EDA: variants seen among roughly 807,000 people sequenced by gnomAD.
The protein encoded by EDA is ectodysplasin-A.
Under a neutral mutation model 23.6 loss-of-function variants are expected in EDA, and 2 were observed. The ratio of observed to expected loss-of-function variants is 0.08; its 90% CI spans 0.03 to 0.27. The LOEUF (loss-of-function observed/expected upper bound fraction) is 0.27, where lower values mean the gene tolerates loss of function less well. Ranked by LOEUF, EDA falls within the 10% of genes least tolerant of loss-of-function variation. The pLI is 1.00. For missense variants in EDA, 229 were observed against 324.2 expected (o/e 0.71, Z 2.26); for synonymous variants, 131 against 132.0 (o/e 0.99, Z 0.05).
chrX:69,624,166 T>C lies in EDA; in HGVS notation c.396+7462T>C, dbSNP rs1014212234. Among the ~76,000 whole-genome samples the C allele has an allele frequency of 5.4e-5, 6 of 112,016 alleles. No individual in the cohort carries two copies. In the Admixed American group the frequency reaches 5.7e-4, roughly 11 times the overall value. ...TATTTTCCTGTGACTTAACTTCCAA[T>C]TCATTAATTCTGTCTTCAGCTTTGT... is the stretch of plus-strand genomic sequence containing the variant. On this transcript the variant is annotated intron_variant, in intron 1 of 7. Coordinates refer to ENST00000374552, the MANE Select transcript of EDA (RefSeq NM_001399.5).
At chrX:70,029,358 A>T in intron 4 of EDA, 146 bp from the exon 5 acceptor site, 1 of 684,790 alleles carries the variant, frequency 1.5e-6, no homozygotes, top group Non-Finnish European at 2.3e-6. Context: ...GTGCACTCTG[A>T]CTCTTCCTCC....
intron 7 of EDA, among the ~76,000 whole-genome samples, chrX:70,034,156 G>A (rs2020234835): frequency 9.0e-6 from 1 of 111,043 alleles, no homozygotes; most frequent in Admixed American, 9.7e-5. Context: ...ATCTACTTCC[G>A]TTCCCCCATT....
chrX:69,995,007 G>A (rs1337787477), intron 2 of EDA, among the ~76,000 whole-genome samples: 5 of 112,126 alleles, frequency 4.5e-5, no homozygotes, highest in Non-Finnish European at 9.4e-5. Context: ...AACTAGACCA[G>A]AACTTGGTTA....
chrX:70,035,050 G>A (rs1383886401), intron 7 of EDA, among the ~76,000 whole-genome samples: 2 of 111,270 alleles, frequency 1.8e-5, no homozygotes, highest in East Asian at 5.7e-4. Context: ...GGGCAGGGGT[G>A]GGCGGGGGAA....
At chrX:69,813,755 T>C (rs762407535) in intron 1 of EDA, among the ~76,000 whole-genome samples, 65 of 110,668 alleles carry the variant, frequency 5.9e-4, no homozygotes, top group Non-Finnish European at 1.1e-3. Context: ...CATACCCCAG[T>C]TTCCTTTTTC....
intron 1 of EDA, among the ~76,000 whole-genome samples, chrX:69,772,995 A>T (rs759224502): frequency 3.6e-5 from 4 of 110,726 alleles, no homozygotes; most frequent in African/African-American, 1.3e-4. Flanking sequence ...TATTTTCATC[A>T]CCCCCAAAAA....
chrX:69,738,777 T>G (rs2013353779), intron 1 of EDA, among the ~76,000 whole-genome samples: 1 of 110,008 alleles, frequency 9.1e-6, no homozygotes, highest in South Asian at 3.9e-4. Context: ...GCTACTTCAT[T>G]TACACATATT....
intron 1 of EDA, 171 bp downstream of exon 1, chrX:69,616,875 T>G: frequency 1.5e-6 from 1 of 648,277 alleles, no homozygotes; most frequent in Non-Finnish European, 2.3e-6. Context: ...TTGTCTTCGG[T>G]CCCTGGCCCA....
At chrX:70,021,589 G>A (rs1028613863) in intron 2 of EDA, among the ~76,000 whole-genome samples, 2 of 111,061 alleles carry the variant, frequency 1.8e-5, no homozygotes, top group African/African-American at 6.6e-5. Context: ...TCAAGAACTC[G>A]CAATGCTGTT....
chrX:69,822,856 C>A (rs960492606), intron 1 of EDA, among the ~76,000 whole-genome samples: 34 of 87,190 alleles, frequency 3.9e-4, no homozygotes, highest in African/African-American at 1.1e-3. Context: ...CCTCCCCCAC[C>A]CCACAACTGG....
Position 69,983,486 on chromosome X carries a change from A to G in EDA, c.502+26354A>G, listed in dbSNP as rs1413266218. Among the ~76,000 whole-genome samples the G allele has an allele frequency of 6.5e-4, 5 of 7,727 alleles. 1 individual carries two copies. The highest frequency in any genetic ancestry group is 2.5e-3 in the African/African-American group (4 of 1,613). The allele number at this position is 7,727 out of a possible 115,157, so 6.7% of individuals were successfully genotyped here. ...AAAATCTCTCAGCATTTGCTTGTCT[A>G]TAAAGTATTTTATTTCTCCTTCACT... On this transcript the variant is annotated intron_variant, in intron 2 of 7. Coordinates refer to ENST00000374552, the MANE Select transcript of EDA (RefSeq NM_001399.5).
At chrX:69,775,614 C>A (rs1310204664) in intron 1 of EDA, among the ~76,000 whole-genome samples, 1 of 111,608 alleles carries the variant, frequency 9.0e-6, no homozygotes, top group Non-Finnish European at 1.9e-5. Context: ...CTGTTGTTCA[C>A]CAAATTCACC....
intron 1 of EDA, among the ~76,000 whole-genome samples, chrX:69,712,706 A>C (rs1260164343): frequency 2.7e-5 from 3 of 111,465 alleles, no homozygotes; most frequent in Non-Finnish European, 3.8e-5. Context: ...CCATCCCATT[A>C]CTGGGTATAT....
chrX:69,744,631 C>T (rs1423856678), intron 1 of EDA, among the ~76,000 whole-genome samples: 1 of 111,911 alleles, frequency 8.9e-6, no homozygotes, highest in African/African-American at 3.2e-5. Context: ...GGGCTTAAAC[C>T]CCCAAATGGT....
Position 70,003,823 on chromosome X carries a change from A to C in EDA, c.503-19395A>C, listed in dbSNP as rs761741074. Among the ~76,000 whole-genome samples the C allele has an allele frequency of 1.6e-4, 18 of 112,032 alleles. 1 individual carries two copies. Among genetic ancestry groups the C allele is most frequent in the Non-Finnish European group, 5.6e-5 (3 of 53,192 alleles). On this transcript the variant is annotated intron_variant, in intron 2 of 7. Transcript: ENST00000374552. ...TGAAGAAATCTGTTTTTCCTTAACC[A>C]TGTGTTTCCCAGACTCTTTTTTGAC...
At position 69,737,927 on chromosome X, in the gene EDA, A is replaced by G. The variant is rs148709749; in HGVS notation, c.396+121223A>G. Among the ~76,000 whole-genome samples the G allele has an allele frequency of 5.7e-3, 629 of 110,687 alleles. 1 individual carries two copies. Among genetic ancestry groups the G allele is most frequent in the African/African-American group, 0.02 (603 of 30,504 alleles). On this transcript the variant is annotated intron_variant, in intron 1 of 7. Coordinates refer to ENST00000374552, the MANE Select transcript of EDA (RefSeq NM_001399.5). ...TGAATAGTGTAGTTTCTGATGATAT[A>G]TCTGTAATTATTCTTACCTTTGTTC...
At chrX:69,962,083 A>G (rs1196841851) in intron 2 of EDA, among the ~76,000 whole-genome samples, 1 of 112,534 alleles carries the variant, frequency 8.9e-6, no homozygotes, top group African/African-American at 3.2e-5. Flanking sequence ...GGTAGTTTCC[A>G]TATTTCACAA....
intron 1 of EDA, among the ~76,000 whole-genome samples, chrX:69,839,778 G>A (rs1375376975): frequency 8.9e-6 from 1 of 112,201 alleles, no homozygotes; most frequent in Non-Finnish European, 1.9e-5. Flanking sequence ...TGAAGTAGTT[G>A]AAGAATGGCA....
At chrX:69,896,702 G>C (rs2018021342) in intron 1 of EDA, among the ~76,000 whole-genome samples, 1 of 110,829 alleles carries the variant, frequency 9.0e-6, no homozygotes, top group Non-Finnish European at 1.9e-5. Context: ...GGCAGGACTA[G>C]AAATCAGGTC....
Sources: allele counts gnomAD v4.1 joint callset (sites outside exome capture counted in the v4.1 genomes callset), GRCh38; gene constraint gnomAD v4.1.1; transcripts MANE v1.5; gene names NCBI Gene and HGNC (gene_info 2026-07-23, HGNC 2026-07-21).